The following PCDHGA3 variants were observed in gnomAD, a reference collection of about 807,000 sequenced individuals.
PCDHGA3 encodes protocadherin gamma subfamily A, 3.
Under a neutral mutation model 58.5 loss-of-function variants are expected in PCDHGA3, and 40 were observed. The ratio of observed to expected loss-of-function variants is 0.68; its 90% CI spans 0.53 to 0.89. The LOEUF (loss-of-function observed/expected upper bound fraction) is 0.89, where lower values mean the gene tolerates loss of function less well. Among genes scored for constraint, PCDHGA3 ranks in the 40% least tolerant of loss-of-function variants. The pLI is 0.00. For missense variants in PCDHGA3, 1,223 were observed against 1,195.9 expected (o/e 1.02, Z -0.33); for synonymous variants, 530 against 525.7 (o/e 1.01, Z -0.11).
chr5:141,360,173 G>A, intron 1 of PCDHGA3: 1 of 1,609,062 alleles, frequency 6.2e-7, no homozygotes, highest in African/African-American at 1.3e-5. Flanking sequence ...CTGGTGCGGT[G>A]GCTGCAGGTA....
At chr5:141,358,811 G>A (rs760688230) in intron 1 of PCDHGA3, among the ~76,000 whole-genome samples, 8 of 152,108 alleles carry the variant, frequency 5.3e-5, no homozygotes, top group Non-Finnish European at 1.0e-4. Context: ...TATGATTTAC[G>A]CTGCTTAGTA....
At chr5:141,427,529 G>A (rs1464520351) in intron 1 of PCDHGA3, 1 of 619,898 alleles carries the variant, frequency 1.6e-6, no homozygotes, top group African/African-American at 1.8e-5. Context: ...GGATCCCGGA[G>A]TACAACGTCA....
chr5:141,457,868 G>T lies in PCDHGA3; in HGVS notation c.2425-36939G>T, dbSNP rs1479066479. ...AAAGTGACATTCTTCACTGACCACA[G>T]GTTAGGAACCCTGTGTGGGGACTGT... On this transcript the variant is annotated intron_variant, in intron 1 of 3. Transcript: ENST00000253812. Among the ~76,000 whole-genome samples the T allele has an allele frequency of 2.0e-5, 3 of 152,346 alleles. No individual in the cohort carries two copies. In the East Asian group the frequency reaches 5.8e-4, roughly 29 times the overall value.
chr5:141,345,222 T>C lies in PCDHGA3; in HGVS notation c.1189T>C (p.Ser397Pro). 1 of 1,613,756 alleles carries C rather than the reference T, an allele frequency of 6.2e-7. No homozygotes were observed. Among genetic ancestry groups the C allele is most frequent in the Admixed American group, 1.7e-5 (1 of 60,016 alleles). ...AAATCTGCCATTTAAGTTAGAAAAATCAATAGATCAATATTACCGCTTAGT... is the reference window on the plus strand; with the variant it reads ...AAATCTGCCATTTAAGTTAGAAAAACCAATAGATCAATATTACCGCTTAGT... ...LGNLPFKLEK[S>P]IDQYYRLVTA... Residue 397 changes from serine to proline, a missense_variant, in exon 1 of 4, where the codon TCA becomes CCA. Transcript: ENST00000253812.
intron 1 of PCDHGA3, among the ~76,000 whole-genome samples, chr5:141,358,054 G>A (rs1760803324): frequency 6.6e-6 from 1 of 152,172 alleles, no homozygotes; most frequent in African/African-American, 2.4e-5. Flanking sequence ...GCTAGGCGTG[G>A]TGGTGTGTGC....
chr5:141,470,113 A>C (rs1209326739), intron 1 of PCDHGA3, among the ~76,000 whole-genome samples: 1 of 152,126 alleles, frequency 6.6e-6, no homozygotes, highest in Non-Finnish European at 1.5e-5. Context: ...TGAGCAACAG[A>C]GCAAGACTTC....
At chr5:141,410,008 C>A (rs2095347582) in intron 1 of PCDHGA3, 1 of 1,613,220 alleles carries the variant, frequency 6.2e-7, no homozygotes, top group Non-Finnish European at 8.5e-7. Flanking sequence ...GACACAACGC[C>A]TGGCTGTCCT....
Position 141,399,638 on chromosome 5 carries a change from G to A in PCDHGA3, c.2424+53181G>A, listed in dbSNP as rs1180030777. The A allele has an allele frequency of 3.7e-6, 6 of 1,613,860 alleles. No individual in the cohort carries two copies. The highest frequency in any genetic ancestry group is 1.3e-5 in the African/African-American group (1 of 75,082). ...GCACTGGCCTCTTACGTGTCCATGAGCGCGCAAAGTGGGGTGGTGTTCGCG... is the reference window on the plus strand; with the variant it reads ...GCACTGGCCTCTTACGTGTCCATGAACGCGCAAAGTGGGGTGGTGTTCGCG... On this transcript the variant is annotated intron_variant, in intron 1 of 3. Coordinates refer to ENST00000253812, the MANE Select transcript of PCDHGA3 (RefSeq NM_018916.4).
Position 141,491,422 on chromosome 5 carries a change from G to A in PCDHGA3, c.2425-3385G>A. 1 of 1,614,112 alleles carries A rather than the reference G, an allele frequency of 6.2e-7. No individual in the cohort carries two copies. Among genetic ancestry groups the A allele is most frequent in the East Asian group, 2.2e-5 (1 of 44,874 alleles). On this transcript the variant is annotated intron_variant, in intron 1 of 3. Coordinates refer to ENST00000253812, the MANE Select transcript of PCDHGA3 (RefSeq NM_018916.4). The surrounding 1 kb of genome is among the most constrained non-coding windows in gnomAD (Gnocchi z 6.9). The stretch of plus-strand genomic sequence containing the variant: ...AAACGCAGACGGGGACGGGGGTGGA[G>A]GGCAGTGCTGCAGGCGCCAGGACTC...
At chr5:141,478,598 A>C in intron 1 of PCDHGA3, 1 of 1,566,350 alleles carries the variant, frequency 6.4e-7, no homozygotes, top group South Asian at 1.2e-5. Flanking sequence ...TTATTCCTAC[A>C]TCATATTGAG....
intron 1 of PCDHGA3, chr5:141,356,736 G>C: frequency 6.2e-7 from 1 of 1,613,970 alleles, no homozygotes; most frequent in Non-Finnish European, 8.5e-7. Flanking sequence ...CCAATACAGG[G>C]ATCCTATATG....
chr5:141,433,802 A>G (rs2097651656), intron 1 of PCDHGA3, among the ~76,000 whole-genome samples: 1 of 149,280 alleles, frequency 6.7e-6, no homozygotes, highest in Non-Finnish European at 1.5e-5. Flanking sequence ...GTGCCATTGC[A>G]CTCCAGCCTG....
At chr5:141,388,742 G>C (rs1340234849) in intron 1 of PCDHGA3, 1 of 1,613,886 alleles carries the variant, frequency 6.2e-7, no homozygotes, top group Non-Finnish European at 8.5e-7. Context: ...AAGCTAGCCA[G>C]ATCACCCAAT....
intron 1 of PCDHGA3, chr5:141,376,682 T>TTTTTTTTG (rs1773145441): frequency 1.3e-6 from 1 of 786,082 alleles, no homozygotes; most frequent in African/African-American, 1.9e-5. Flanking sequence ...TATCGTTTTT[T>TTTTTTTTG]TTTTTTTTTT....
chr5:141,414,587 G>C (rs775783880), intron 1 of PCDHGA3: 3 of 1,613,828 alleles, frequency 1.9e-6, no homozygotes, highest in Admixed American at 3.3e-5. Context: ...AACAACGCCA[G>C]GGGTGCCTCC....
rs1359390451 is a variant in PCDHGA3, at chr5:141,360,344, C to T, written c.2424+13887C>T. 1 of 1,613,798 alleles carries T rather than the reference C, an allele frequency of 6.2e-7. No homozygotes were observed. The highest frequency in any genetic ancestry group is 1.7e-5 in the Admixed American group (1 of 60,012). The stretch of plus-strand genomic sequence containing the variant: ...CCAGCCCGGAAGCTGCGGGTTAGCG[C>T]GGAGAAGGAATATTTCACAGTAAAC... On this transcript the variant is annotated intron_variant, in intron 1 of 3. Coordinates refer to ENST00000253812, the MANE Select transcript of PCDHGA3 (RefSeq NM_018916.4).
chr5:141,358,725 A>G (rs903628182), intron 1 of PCDHGA3, among the ~76,000 whole-genome samples: 4 of 152,232 alleles, frequency 2.6e-5, no homozygotes, highest in Admixed American at 1.3e-4. Context: ...CAAGGAAAAT[A>G]TAAGTTTTTG....
chr5:141,464,655 G>T (rs1326749316), intron 1 of PCDHGA3, among the ~76,000 whole-genome samples: 1 of 152,070 alleles, frequency 6.6e-6, no homozygotes. Flanking sequence ...TGGGTAAAAA[G>T]ATATCTCCAA....
At chr5:141,403,672 G>A in intron 1 of PCDHGA3, 1 of 1,613,846 alleles carries the variant, frequency 6.2e-7, no homozygotes, top group Non-Finnish European at 8.5e-7. Context: ...ATAATGCCCC[G>A]GTTTTTGCTC....
Sources: gnomAD v4.1 joint callset for allele counts (sites outside exome capture counted in the v4.1 genomes callset) on GRCh38, gnomAD v4.1.1 for gene constraint, Gnocchi (gnomAD v3.1) non-coding constraint, MANE v1.5 for transcripts, NCBI Gene and HGNC (gene_info 2026-07-23, HGNC 2026-07-21) for gene names.